JAG1: variants seen among roughly 807,000 people sequenced by gnomAD.
JAG1 encodes the protein protein jagged-1.
A neutral mutation model predicts 148.7 loss-of-function variants in JAG1; 23 were observed. That is an observed-to-expected ratio of 0.15 (90% confidence interval 0.11 to 0.22). The LOEUF (loss-of-function observed/expected upper bound fraction) is 0.22, where lower values mean the gene tolerates loss of function less well. Among genes scored for constraint, JAG1 ranks in the 10% least tolerant of loss-of-function variants. The probability of loss-of-function intolerance (pLI) is 1.00; values close to 1 mark genes in which losing one functional copy is unlikely to be tolerated. For synonymous variants in JAG1, 572 were observed against 598.3 expected, an observed-to-expected ratio of 0.96 and a Z score of 0.64; for missense variants, 1,054 against 1,611.2, an observed-to-expected ratio of 0.65 and a Z score of 5.92.
Position 10,644,991 on chromosome 20 carries a change from G to A in JAG1, c.2228-12C>T, listed in dbSNP as rs1403237198. 4.4e-6 allele frequency: 7 copies of A among 1,602,696 alleles called. No homozygotes were observed. Among genetic ancestry groups the A allele is most frequent in the South Asian group, 1.1e-5 (1 of 90,848 alleles). ...GCTACTGTTTCGGGCTATAAAAGAAGAGCAGACACGACCACCCTCCCTGAG... is the reference window on the plus strand; with the variant it reads ...GCTACTGTTTCGGGCTATAAAAGAAAAGCAGACACGACCACCCTCCCTGAG... On this transcript the variant is annotated splice_polypyrimidine_tract_variant and intron_variant, in intron 17 of 25. Coordinates refer to ENST00000254958, the MANE Select transcript of JAG1 (RefSeq NM_000214.3).
intron 2 of JAG1, among the ~76,000 whole-genome samples, chr20:10,665,458 A>G (rs1481741638): frequency 6.6e-6 from 1 of 152,224 alleles, no homozygotes; most frequent in Non-Finnish European, 1.5e-5. Flanking sequence ...CCACAGGTCC[A>G]AATTCATTGC....
rs762897904 is a variant in JAG1 at position 10,639,640 on chromosome 20, T to C, written c.3515A>G (p.Lys1172Arg). 1.9e-6 allele frequency: 3 copies of C among 1,614,254 alleles called. No homozygotes were observed. The highest frequency in any genetic ancestry group is 8.5e-7 in the Non-Finnish European group (1 of 1,180,042). The change falls in exon 26 of 26, where the codon AAG (lysine) becomes AGG (arginine). Residue 1172 changes from lysine (K) to arginine (R), a missense_variant. Around this residue, in one of 6 missense-constraint regions of JAG1, gnomAD observed 177 missense variants for 177.3 expected, o/e 1.00. Coordinates refer to ENST00000254958, the MANE Select transcript of JAG1 (RefSeq NM_000214.3). ...DKHQQKARFA[K>R]QPAYTLVDRE... ...GTCTACCAGCGTGTACGCCGGCTGC[T>C]TGGCAAACCGGGCTTTCTGCTGGTG...
At position 10,644,834 on chromosome 20, in the gene JAG1, G is replaced by A. The variant is rs374397608; in HGVS notation, c.2344+29C>T. On this transcript the variant is annotated intron_variant, in intron 18 of 25. Coordinates refer to ENST00000254958, the MANE Select transcript of JAG1 (RefSeq NM_000214.3). The stretch of plus-strand genomic sequence containing the variant: ...TGTCAGGATCTGCTCCGACAGCCCT[G>A]GGAGAGTTCAAGGGGGGAGGACACT... 577 of 1,494,782 alleles carry A rather than the reference G, an allele frequency of 3.9e-4. 7 individuals are homozygous for A. The South Asian group carries it at 6.3e-3, about 16-fold the overall frequency. 92.6% of individuals were successfully genotyped at this position (1,494,782 alleles called of 1,614,324 possible).
chr20:10,647,388 G>C (rs2067316525), intron 13 of JAG1: 2 of 506,004 alleles, frequency 4.0e-6, no homozygotes, highest in African/African-American at 1.9e-5. Flanking sequence ...TACCCAATTT[G>C]GTAAACACTT....
intron 25 of JAG1, among the ~76,000 whole-genome samples, chr20:10,640,191 G>A (rs532233842): frequency 1.7e-4 from 26 of 152,312 alleles, no homozygotes; most frequent in Non-Finnish European, 2.4e-4. Context: ...TGGGTGGAGC[G>A]GCAGCTCCTA....
chr20:10,648,440 G>C, intron 12 of JAG1, 109 bp downstream of exon 12: 2 of 926,816 alleles, frequency 2.2e-6, no homozygotes, highest in Non-Finnish European at 3.6e-6. Context: ...GATGTTAATA[G>C]ATGTTAGGAA....
At chr20:10,661,387 T>C (rs2067416231) in intron 3 of JAG1, among the ~76,000 whole-genome samples, 1 of 152,146 alleles carries the variant, frequency 6.6e-6, no homozygotes, top group Non-Finnish European at 1.5e-5. Context: ...TTCTGCCCTG[T>C]GGAGTGCAGT....
chr20:10,642,380 G>A (rs1489376132), intron 21 of JAG1, 108 bp downstream of exon 21: 1 of 679,540 alleles, frequency 1.5e-6, no homozygotes, highest in East Asian at 2.7e-5. Flanking sequence ...GTCCCACTGT[G>A]TGTTCCCTTC....
chr20:10,659,379 C>A (rs573951689), intron 3 of JAG1, among the ~76,000 whole-genome samples: 2 of 152,312 alleles, frequency 1.3e-5, no homozygotes, highest in East Asian at 3.9e-4. Context: ...TACTGACTTG[C>A]AAGTGCTCTT....
Position 10,673,619 on chromosome 20 carries a change from GC to G in JAG1, c.-90del. 1 of 587,106 alleles carries G rather than the reference GC, an allele frequency of 1.7e-6. No homozygotes were observed. Among genetic ancestry groups the G allele is most frequent in the Non-Finnish European group, 2.4e-6 (1 of 416,072 alleles). 36.4% of individuals were successfully genotyped at this position (587,106 alleles called of 1,614,324 possible). ...CGGTGCTGCCGTCGCCGCTGCCCCT[GC>G]GGCCGCCGCGTCCCGGCTCTAATAT... On this transcript the variant is annotated 5_prime_UTR_variant, in exon 1 of 26. Coordinates refer to ENST00000254958, the MANE Select transcript of JAG1 (RefSeq NM_000214.3). The surrounding 1 kb of genome is among the most constrained non-coding windows in gnomAD (Gnocchi z 4.7).
chr20:10,662,093 A>G (rs2067421103), intron 3 of JAG1: 1 of 152,232 alleles, frequency 6.6e-6, no homozygotes, highest in African/African-American at 2.4e-5. Context: ...CAAATAGGCA[A>G]GTGGAGAAAC....
In JAG1 at chr20:10,648,054, G is replaced by T; in HGVS notation, c.1626C>A (p.Asn542Lys). Residue 542 changes from asparagine to lysine, a missense_variant, in exon 13 of 26, where the codon AAC becomes AAA. Around this residue, in one of 6 missense-constraint regions of JAG1, gnomAD observed 245 missense variants for 373.1 expected, o/e 0.66. Transcript: ENST00000254958. ...ACTTGCAGAAATAGTCACTGGCACGGTTGTAGCACTGGGCACCGTTCTGGC... is the reference window on the plus strand; with the variant it reads ...ACTTGCAGAAATAGTCACTGGCACGTTTGTAGCACTGGGCACCGTTCTGGC... ...NPCQNGAQCY[N>K]RASDYFCKCP... 1 of 1,614,166 alleles carries T rather than the reference G, an allele frequency of 6.2e-7. No homozygotes were observed. Among genetic ancestry groups the T allele is most frequent in the Non-Finnish European group, 8.5e-7 (1 of 1,180,020 alleles).
chr20:10,656,835 C>T (rs886961563), intron 4 of JAG1, among the ~76,000 whole-genome samples: 1 of 150,606 alleles, frequency 6.6e-6, no homozygotes, highest in Admixed American at 6.6e-5. Flanking sequence ...AATCCTTCCC[C>T]ATCCCACCAG....
At chr20:10,660,967 C>G (rs1337653163) in intron 3 of JAG1, among the ~76,000 whole-genome samples, 1 of 152,196 alleles carries the variant, frequency 6.6e-6, no homozygotes, top group Admixed American at 6.5e-5. Flanking sequence ...ACCCAAAAAC[C>G]TGGAAGGGGG....
rs960435450 is a variant in JAG1 at position 10,650,175 on chromosome 20, C to T, written c.1234+72G>A. 1.2e-5 allele frequency: 11 copies of T among 921,030 alleles called. No homozygotes were observed. In the African/African-American group the frequency reaches 1.3e-4, roughly 11 times the overall value. 57.1% of individuals were successfully genotyped at this position (921,030 alleles called of 1,614,324 possible). A position where few individuals can be genotyped will look rare whatever the true frequency, so the allele number is the denominator to read the frequency against. ...GAACTCACACTGCCGGCCACACGCT[C>T]GTCTTCTGTAATGGCTTTGACAATC... is the stretch of plus-strand genomic sequence containing the variant. On this transcript the variant is annotated intron_variant, in intron 9 of 25. Coordinates refer to ENST00000254958, the MANE Select transcript of JAG1 (RefSeq NM_000214.3).
chr20:10,672,641 G>A, intron 2 of JAG1, 60 bp downstream of exon 2: 2 of 1,543,558 alleles, frequency 1.3e-6, no homozygotes, highest in East Asian at 2.3e-5. Context: ...AGGGATAACA[G>A]GGCTCGGCCA....
At chr20:10,644,273 TTC>T (rs113910163) in intron 19 of JAG1, 82 bp downstream of exon 19, 235 of 626,424 alleles carry the variant, frequency 3.8e-4, no homozygotes, top group Non-Finnish European at 1.7e-4. Flanking sequence ...CCCTGGGTGA[TTC>T]TCACACACAC....
In JAG1 at chr20:10,645,335, C is replaced by T. The variant is rs373912211; in HGVS notation, c.2113+21G>A. On this transcript the variant is annotated intron_variant, in intron 16 of 25. Transcript: ENST00000254958. The surrounding 1 kb of genome is among the most constrained non-coding windows in gnomAD (Gnocchi z 6.1). ...GAGGGAAGGGTCCCAGAGATAGCAT[C>T]CAAGGCCAACTACCACTTACGTGAG... The T allele has an allele frequency of 1.9e-5, 31 of 1,609,042 alleles. No individual in the cohort carries two copies. The highest frequency in any genetic ancestry group is 2.6e-5 in the Non-Finnish European group (31 of 1,175,502).
chr20:10,660,713 A>C (rs1194536271), intron 3 of JAG1, among the ~76,000 whole-genome samples: 4 of 152,172 alleles, frequency 2.6e-5, no homozygotes, highest in Non-Finnish European at 5.9e-5. Flanking sequence ...GGGGTCGAGC[A>C]TGTCTGGGTT....
Sources: gnomAD v4.1 joint callset for allele counts (sites outside exome capture counted in the v4.1 genomes callset) on GRCh38, gnomAD v4.1.1 for gene constraint, gnomAD v4.1.1 regional missense constraint, Gnocchi (gnomAD v3.1) non-coding constraint, MANE v1.5 for transcripts, NCBI Gene and HGNC (gene_info 2026-07-23, HGNC 2026-07-21) for gene names.